KDM5A: variants seen among roughly 807,000 people sequenced by gnomAD.
KDM5A encodes lysine demethylase 5A.
KDM5A carries 42 observed loss-of-function variants against 193.5 expected under a neutral mutation model. That is an observed-to-expected ratio of 0.22 (90% CI 0.17 to 0.28). The LOEUF (loss-of-function observed/expected upper bound fraction) is 0.28. KDM5A is among the 10% of genes least tolerant of loss of function. The pLI is 1.00. For missense variants in KDM5A, 1,692 were observed against 2,055.1 expected (o/e 0.82, Z 3.42); for synonymous variants, 796 against 718.1 (o/e 1.11, Z -1.73).
At chr12:323,238 A>AAGAAAAC in intron 15 of KDM5A, 32 bp from the exon 16 acceptor site, 1 of 1,489,778 alleles carries the variant, frequency 6.7e-7, no homozygotes, top group Non-Finnish European at 8.9e-7. Flanking sequence ...AAAAAAAAAA[A>AAGAAAAC]AGAAAACAGA....
intron 1 of KDM5A, among the ~76,000 whole-genome samples, chr12:386,540 T>A (rs1944639596): frequency 6.6e-6 from 1 of 152,054 alleles, no homozygotes; most frequent in Non-Finnish European, 1.5e-5. Flanking sequence ...ATACCATTAA[T>A]ACAATGAAAA....
At chr12:377,920 T>G (rs891620040) in intron 3 of KDM5A, among the ~76,000 whole-genome samples, 4 of 152,178 alleles carry the variant, frequency 2.6e-5, no homozygotes, top group African/African-American at 9.7e-5. Flanking sequence ...GATTATTTGA[T>G]GGGTAGAAGC....
At chr12:336,659 C>G (rs720128) in intron 10 of KDM5A, among the ~76,000 whole-genome samples, 8 of 151,542 alleles carry the variant, frequency 5.3e-5, no homozygotes, top group African/African-American at 1.9e-4. Flanking sequence ...TGGCCAACAC[C>G]GTGAAATCCC....
At chr12:303,051 C>T (rs1943464379) in intron 24 of KDM5A, among the ~76,000 whole-genome samples, 1 of 152,204 alleles carries the variant, frequency 6.6e-6, no homozygotes, top group South Asian at 2.1e-4. Flanking sequence ...AACACGAATG[C>T]TTTTACACTG....
In KDM5A at chr12:328,879, T is replaced by C. The variant is rs770921545; in HGVS notation, c.1924A>G (p.Met642Val). The change falls in exon 14 of 28, where the codon ATG becomes GTG. Residue 642 changes from methionine (M) to valine (V), a missense_variant. By Grantham distance (21) the Met-to-Val change is conservative (BLOSUM62 1). Transcript: ENST00000399788. ...AAMVCKELTL[M>V]TEEETRLRES... is the part of the protein sequence containing the mutation. ...CTTAATCGTGTTTCTTCTTCAGTCA[T>C]GAGAGTCAATTCTTTGCAGACCATG... 3.7e-6 allele frequency: 6 copies of C among 1,613,034 alleles called. 1 individual carries two copies. The South Asian group carries it at 6.6e-5, about 18-fold the overall frequency.
chr12:356,440 T>G lies in KDM5A; in HGVS notation c.770A>C (p.Asp257Ala). Reference protein sequence around the residue: ...KVVGLAMGTKDKEDEVTRRRK... With the variant: ...KVVGLAMGTKAKEDEVTRRRK... Reference sequence around the variant, plus strand: ...CAAACAACAAATTTTACCTTCTTTATCTTTTGTTCCCATTGCCAAGCCCAC... The same window carrying G: ...CAAACAACAAATTTTACCTTCTTTAGCTTTTGTTCCCATTGCCAAGCCCAC... The change falls in exon 6 of 28, where the codon GAT (aspartate) becomes GCT (alanine). Residue 257 changes from aspartate (D) to alanine (A), a missense_variant. Coordinates refer to ENST00000399788, the MANE Select transcript of KDM5A (RefSeq NM_001042603.3). 6.3e-7 allele frequency: 1 copy of G among 1,599,914 alleles called. No homozygotes were observed. Among genetic ancestry groups the G allele is most frequent in the Non-Finnish European group, 8.6e-7 (1 of 1,167,104 alleles).
chr12:347,876 C>A (rs545086953), intron 10 of KDM5A, among the ~76,000 whole-genome samples: 18 of 152,034 alleles, frequency 1.2e-4, no homozygotes, highest in Admixed American at 3.3e-4. Flanking sequence ...GACTAAAACA[C>A]CAAAAGCAAT....
At position 305,970 on chromosome 12, in the gene KDM5A, T is replaced by G. The variant is rs867038830; in HGVS notation, c.4074+976A>C. ...GCAAAAGACTCTAGCAATGGAAGTG[T>G]TTTTTTTTTTTTTTTTTTTTTGAGA... On this transcript the variant is annotated intron_variant, in intron 24 of 27. Transcript: ENST00000399788. Among the ~76,000 whole-genome samples, 9 of 60,594 alleles carry G rather than the reference T, an allele frequency of 1.5e-4. No individual in the cohort carries two copies. The East Asian group carries it at 2.5e-3, about 17-fold the overall frequency. The allele number at this position is 60,594 out of a possible 152,430, so 39.8% of individuals were successfully genotyped here. A position where few individuals can be genotyped will look rare whatever the true frequency, so the allele number is the denominator to read the frequency against.
intron 27 of KDM5A, among the ~76,000 whole-genome samples, chr12:291,129 A>G (rs1465179120): frequency 6.6e-6 from 1 of 152,214 alleles, no homozygotes; most frequent in East Asian, 1.9e-4. Flanking sequence ...AAATGTTTAT[A>G]ATATAGGAAG....
chr12:367,104 C>T (rs532553806), intron 3 of KDM5A, among the ~76,000 whole-genome samples: 1 of 152,270 alleles, frequency 6.6e-6, no homozygotes, highest in East Asian at 1.9e-4. Context: ...ATAATGAAAT[C>T]CTCATGTTTT....
intron 22 of KDM5A, among the ~76,000 whole-genome samples, chr12:309,149 T>G (rs1943550254): frequency 6.6e-6 from 1 of 152,192 alleles, no homozygotes; most frequent in African/African-American, 2.4e-5. Flanking sequence ...ATGCTCAAAA[T>G]TAGAAAACTA....
chr12:341,921 G>C (rs1249354249), intron 10 of KDM5A, among the ~76,000 whole-genome samples: 1 of 137,374 alleles, frequency 7.3e-6, no homozygotes, highest in African/African-American at 2.7e-5. Flanking sequence ...AAGAGAGAGA[G>C]AGAAATGGGG....
At chr12:349,867 C>G (rs537001742) in intron 10 of KDM5A, among the ~76,000 whole-genome samples, 1 of 151,908 alleles carries the variant, frequency 6.6e-6, no homozygotes, top group Non-Finnish European at 1.5e-5. Context: ...CAGTGACTCA[C>G]GCCTGTAATC....
At chr12:294,258 A>G (rs1591897814) in intron 26 of KDM5A, among the ~76,000 whole-genome samples, 1 of 152,030 alleles carries the variant, frequency 6.6e-6, no homozygotes, top group Non-Finnish European at 1.5e-5. Context: ...AACATTTTAA[A>G]TTTTAATGGT....
chr12:360,274 A>T (rs569489159), intron 5 of KDM5A, among the ~76,000 whole-genome samples: 2 of 148,964 alleles, frequency 1.3e-5, no homozygotes, highest in African/African-American at 4.9e-5. Context: ...ACTCTGTCTT[A>T]AAAAAAAAAG....
chr12:367,246 T>A (rs1238413471), intron 3 of KDM5A, among the ~76,000 whole-genome samples: 1 of 152,122 alleles, frequency 6.6e-6, no homozygotes, highest in Non-Finnish European at 1.5e-5. Flanking sequence ...CTACTGTATC[T>A]TACTACATAA....
intron 3 of KDM5A, among the ~76,000 whole-genome samples, chr12:366,728 G>C (rs1304386375): frequency 2.0e-5 from 3 of 152,314 alleles, no homozygotes; most frequent in Non-Finnish European, 4.4e-5. Flanking sequence ...GGCTAACTTG[G>C]CTGAATGGTC....
chr12:292,986 C>G lies in KDM5A; in HGVS notation c.4639G>C (p.Glu1547Gln), dbSNP rs1164931930. 1 of 1,609,708 alleles carries G rather than the reference C, an allele frequency of 6.2e-7. No individual in the cohort carries two copies. The highest frequency in any genetic ancestry group is 1.7e-5 in the Admixed American group (1 of 59,082). The change falls in exon 27 of 28, where the codon GAG (glutamate) becomes CAG (glutamine). Residue 1547 changes from glutamate to glutamine, a missense_variant. Glu to Gln is a conservative substitution (Grantham distance 29). Coordinates refer to ENST00000399788, the MANE Select transcript of KDM5A (RefSeq NM_001042603.3). ...AGTTTCTTGGCCAGTTTATTCAGCT[C>G]CTTTGATTTGTCTGCACCTAATTTT... ...KLKLGADKSK[E>Q]LNKLAKKLAK...
chr12:350,930 T>C, intron 9 of KDM5A, 151 bp from the exon 10 acceptor site: 2 of 714,316 alleles, frequency 2.8e-6, no homozygotes, highest in South Asian at 3.4e-5. Context: ...TCCTAGCTTT[T>C]TCCAATGAGA....
Sources: allele counts gnomAD v4.1 joint callset (sites outside exome capture counted in the v4.1 genomes callset), GRCh38; gene constraint gnomAD v4.1.1; transcripts MANE v1.5; gene names NCBI Gene and HGNC (gene_info 2026-07-23, HGNC 2026-07-21).